The following NAV2 variants were observed in gnomAD, a reference collection of about 807,000 sequenced individuals.
NAV2 encodes helicase, APC down-regulated 1.
Under a neutral mutation model 223.2 loss-of-function variants are expected in NAV2, and 54 were observed. That is an observed-to-expected ratio of 0.24 (90% CI 0.19 to 0.30). The LOEUF (loss-of-function observed/expected upper bound fraction) is 0.30, where lower values mean the gene tolerates loss of function less well. Ranked by LOEUF, NAV2 falls within the 10% of genes least tolerant of loss-of-function variation. NAV2 has a pLI of 1.00. For synonymous variants in NAV2, 1,279 were observed against 1,239.3 expected, an observed-to-expected ratio of 1.03 and a Z score of -0.67; for missense variants, 2,806 against 3,147.5, an observed-to-expected ratio of 0.89 and a Z score of 2.60.
intron 1 of NAV2, among the ~76,000 whole-genome samples, chr11:19,610,783 CAGAT>C (rs1262132679): frequency 1.3e-5 from 2 of 150,868 alleles, no homozygotes; most frequent in Non-Finnish European, 3.0e-5. Flanking sequence ...AGTGGATGGA[CAGAT>C]GGATGGATGG....
At chr11:19,885,157 A>G (rs1209012617) in intron 5 of NAV2, among the ~76,000 whole-genome samples, 1 of 152,178 alleles carries the variant, frequency 6.6e-6, no homozygotes, top group Admixed American at 6.5e-5. Context: ...ATCTTATATC[A>G]TCCTCATGCC....
intron 1 of NAV2, among the ~76,000 whole-genome samples, chr11:19,651,597 TCA>T (rs1309834262): frequency 1.3e-5 from 2 of 152,230 alleles, no homozygotes; most frequent in Non-Finnish European, 2.9e-5. Flanking sequence ...TTGCTGAACC[TCA>T]GTTTCCTCAT....
chr11:19,556,898 A>C (rs916151340), intron 1 of NAV2, among the ~76,000 whole-genome samples: 1 of 152,184 alleles, frequency 6.6e-6, no homozygotes, highest in Non-Finnish European at 1.5e-5. Flanking sequence ...CATTTTTCCT[A>C]TCCAAGTTCA....
At chr11:19,348,704 G>A (rs924025037), upstream of NAV2, among the ~76,000 whole-genome samples, 1 of 152,216 alleles carries the variant, frequency 6.6e-6, no homozygotes, top group African/African-American at 2.4e-5. Flanking sequence ...ATTATCATTT[G>A]ATCACCTATT....
At chr11:19,676,837 G>T (rs2048727353) in intron 1 of NAV2, among the ~76,000 whole-genome samples, 2 of 152,234 alleles carry the variant, frequency 1.3e-5, no homozygotes, top group African/African-American at 4.8e-5. Context: ...GGCCAGAGCA[G>T]CTGGCCCTCT....
At chr11:19,780,764 C>T (rs937912878) in intron 1 of NAV2, among the ~76,000 whole-genome samples, 1 of 152,164 alleles carries the variant, frequency 6.6e-6, no homozygotes, top group East Asian at 1.9e-4. Context: ...CATATGATGA[C>T]GGACGAGATG....
At chr11:19,924,871 A>T (rs190065691) in intron 6 of NAV2, among the ~76,000 whole-genome samples, 174 of 152,308 alleles carry the variant, frequency 1.1e-3, no homozygotes, top group African/African-American at 4.1e-3. Flanking sequence ...CCATTTCAGG[A>T]GACCTAATAA....
chr11:19,925,160 T>C (rs1027509077), intron 6 of NAV2, among the ~76,000 whole-genome samples: 2 of 152,222 alleles, frequency 1.3e-5, no homozygotes, highest in East Asian at 1.9e-4. Context: ...GAGTTCTTTA[T>C]ATATTCTGGA....
Position 19,376,479 on chromosome 11 carries a change from T to G in NAV2, c.75+25452T>G, listed in dbSNP as rs1590077757. Among the ~76,000 whole-genome samples, 2 of 152,216 alleles carry G rather than the reference T, an allele frequency of 1.3e-5. 1 individual carries two copies. The highest frequency in any genetic ancestry group is 1.3e-4 in the Admixed American group (2 of 15,282). On this transcript the variant is annotated intron_variant, in intron 1 of 37. Coordinates refer to the NAV2 transcript ENST00000360655. ...CAGAGGGGACGAGGGACTCACCTGC[T>G]GTTATACTGCTAGTGAGCAGCAGAG...
chr11:20,028,590 A>G (rs1554905551), intron 11 of NAV2, among the ~76,000 whole-genome samples: 1 of 152,198 alleles, frequency 6.6e-6, no homozygotes, highest in Non-Finnish European at 1.5e-5. Context: ...TGTGCGCTAC[A>G]ATCTATAAGA....
intron 1 of NAV2, among the ~76,000 whole-genome samples, chr11:19,404,671 C>T (rs896461098): frequency 5.3e-5 from 8 of 151,978 alleles, no homozygotes; most frequent in African/African-American, 9.7e-5. Flanking sequence ...ATTGTAAATG[C>T]GCCTCTGTGC....
chr11:19,553,949 G>C (rs2044777107), intron 1 of NAV2, among the ~76,000 whole-genome samples: 1 of 152,206 alleles, frequency 6.6e-6, no homozygotes, highest in African/African-American at 2.4e-5. Flanking sequence ...AGTTTGGGTG[G>C]ACTCAAAGGG....
intron 7 of NAV2, among the ~76,000 whole-genome samples, chr11:19,935,864 T>TTTTTTTTTG (rs2045835331): frequency 2.0e-5 from 2 of 101,154 alleles, no homozygotes; most frequent in Non-Finnish European, 4.1e-5. Flanking sequence ...TTTTTTTTTT[T>TTTTTTTTTG]TTTTTTTTTT....
chr11:20,009,042 T>C (rs1167584361), intron 11 of NAV2, among the ~76,000 whole-genome samples: 1 of 152,148 alleles, frequency 6.6e-6, no homozygotes, highest in Non-Finnish European at 1.5e-5. Flanking sequence ...AGACTTCCCA[T>C]CCTCACGTGG....
chr11:19,359,009 A>G (rs1369053074), intron 1 of NAV2, among the ~76,000 whole-genome samples: 1 of 152,230 alleles, frequency 6.6e-6, no homozygotes, highest in Non-Finnish European at 1.5e-5. Flanking sequence ...TATTCAGAAC[A>G]CATATTACAG....
At chr11:20,032,069 G>A (rs966984006) in intron 11 of NAV2, among the ~76,000 whole-genome samples, 16 of 152,222 alleles carry the variant, frequency 1.1e-4, no homozygotes, top group African/African-American at 1.9e-4. Flanking sequence ...GTGACTTTAT[G>A]TCAAGATGAA....
chr11:19,834,555 C>CTTT (rs56112973), intron 2 of NAV2, among the ~76,000 whole-genome samples: 2 of 147,646 alleles, frequency 1.4e-5, no homozygotes, highest in African/African-American at 2.5e-5. Flanking sequence ...GAAGGGGTAC[C>CTTT]TTTTTTTTTT....
chr11:19,484,211 A>G (rs1457528301), intron 1 of NAV2, among the ~76,000 whole-genome samples: 1 of 151,830 alleles, frequency 6.6e-6, no homozygotes, highest in African/African-American at 2.4e-5. Flanking sequence ...TGTTAATTAA[A>G]GCCTGGCTCT....
At chr11:20,038,446 C>T (rs944875009) in intron 12 of NAV2, among the ~76,000 whole-genome samples, 15 of 152,140 alleles carry the variant, frequency 9.9e-5, no homozygotes, top group Admixed American at 2.6e-4. Flanking sequence ...AGATTTCTAA[C>T]GCAATGGTTT....
Sources: allele counts gnomAD v4.1 joint callset (sites outside exome capture counted in the v4.1 genomes callset), GRCh38; gene constraint gnomAD v4.1.1; transcripts MANE v1.5; gene names NCBI Gene and HGNC (gene_info 2026-07-23, HGNC 2026-07-21).